Variants in NXPH1 observed in about 807,000 individuals in gnomAD.
NXPH1 encodes the protein neurexophilin-1.
In NXPH1, 5 loss-of-function variants were observed where a neutral mutation model predicts 23.7. The observed-to-expected ratio is 0.21, with a 90% CI of 0.11 to 0.44. The LOEUF is 0.44. NXPH1 is among the 20% of genes least tolerant of loss of function. The pLI is 0.99. For synonymous variants in NXPH1, 144 were observed against 122.2 expected, an observed-to-expected ratio of 1.18 and a Z score of -1.18; for missense variants, 324 against 321.6, an observed-to-expected ratio of 1.01 and a Z score of -0.06.
intron 2 of NXPH1, among the ~76,000 whole-genome samples, chr7:8,580,249 G>C (rs1244229465): frequency 6.6e-6 from 1 of 152,174 alleles, no homozygotes; most frequent in African/African-American, 2.4e-5. Flanking sequence ...GGATAATGCT[G>C]ATTGAATATG....
chr7:8,444,128 T>C (rs1355817041), intron 2 of NXPH1, among the ~76,000 whole-genome samples: 1 of 152,242 alleles, frequency 6.6e-6, no homozygotes, highest in African/African-American at 2.4e-5. Context: ...GGAAGTTCTG[T>C]CCGTTTCTCT....
intron 2 of NXPH1, among the ~76,000 whole-genome samples, chr7:8,524,746 A>C (rs1249788051): frequency 6.6e-6 from 1 of 152,162 alleles, no homozygotes; most frequent in East Asian, 1.9e-4. Context: ...TGGGTTTATC[A>C]GGGGTTTCCA....
At chr7:8,445,877 C>T (rs540482164) in intron 2 of NXPH1, among the ~76,000 whole-genome samples, 15 of 152,268 alleles carry the variant, frequency 9.9e-5, no homozygotes, top group Admixed American at 9.2e-4. Context: ...TTTTCAGCTA[C>T]AGAATGAAAG....
At chr7:8,525,759 G>T (rs1191542158) in intron 2 of NXPH1, among the ~76,000 whole-genome samples, 1 of 152,228 alleles carries the variant, frequency 6.6e-6, no homozygotes, top group Non-Finnish European at 1.5e-5. Context: ...TTGAGCATGT[G>T]GGTGCACAGA....
intron 2 of NXPH1, among the ~76,000 whole-genome samples, chr7:8,592,844 A>G (rs1237597210): frequency 6.7e-6 from 1 of 148,220 alleles, no homozygotes; most frequent in Non-Finnish European, 1.5e-5. Flanking sequence ...TTTTTTTTAA[A>G]TGTTCCAACC....
chr7:8,457,474 C>T (rs560849068), intron 2 of NXPH1, among the ~76,000 whole-genome samples: 21 of 151,780 alleles, frequency 1.4e-4, no homozygotes, highest in Non-Finnish European at 2.5e-4. Context: ...GTTGGAAAAC[C>T]GAGGGTCTAG....
chr7:8,719,464 AT>A (rs1779930713), intron 2 of NXPH1, among the ~76,000 whole-genome samples: 1 of 146,254 alleles, frequency 6.8e-6, no homozygotes, highest in Admixed American at 6.8e-5. Context: ...ATTGGGTGGT[AT>A]TTTTCCTCCA....
At chr7:8,457,564 T>TA (rs1281077133) in intron 2 of NXPH1, among the ~76,000 whole-genome samples, 607 of 150,574 alleles carry the variant, frequency 4.0e-3, no homozygotes, top group African/African-American at 0.013. Flanking sequence ...TTAATTTTAT[T>TA]AAAAAAAAAC....
chr7:8,707,928 T>A (rs897499804), intron 2 of NXPH1, among the ~76,000 whole-genome samples: 3 of 152,220 alleles, frequency 2.0e-5, no homozygotes, highest in African/African-American at 7.2e-5. Flanking sequence ...ACTTAAATAA[T>A]GCAGATAAAA....
At chr7:8,529,632 A>G in intron 2 of NXPH1, among the ~76,000 whole-genome samples, 1 of 152,186 alleles carries the variant, frequency 6.6e-6, no homozygotes, top group East Asian at 1.9e-4. Flanking sequence ...ACTCAATCAA[A>G]TTATTTAATT....
At chr7:8,597,715 G>GA (rs1554259563) in intron 2 of NXPH1, among the ~76,000 whole-genome samples, 1 of 74,826 alleles carries the variant, frequency 1.3e-5, no homozygotes, top group Non-Finnish European at 2.8e-5. Flanking sequence ...GGTGGGGGGC[G>GA]GGGGGGCAGT....
chr7:8,667,863 T>G (rs1470805653), intron 2 of NXPH1, among the ~76,000 whole-genome samples: 1 of 152,026 alleles, frequency 6.6e-6, no homozygotes, highest in Non-Finnish European at 1.5e-5. Context: ...ATGTTTTATT[T>G]ATTCCTTTTC....
chr7:8,642,490 G>A, intron 2 of NXPH1, among the ~76,000 whole-genome samples: 1 of 151,850 alleles, frequency 6.6e-6, no homozygotes, highest in East Asian at 1.9e-4. Context: ...TGAGGATGAG[G>A]GTGCTTAAGC....
chr7:8,487,780 C>T (rs868670004), intron 2 of NXPH1, among the ~76,000 whole-genome samples: 9 of 151,978 alleles, frequency 5.9e-5, no homozygotes, highest in African/African-American at 1.4e-4. Context: ...GGAGTGAGAC[C>T]GTGGGACATG....
chr7:8,723,831 A>T (rs78163299), intron 2 of NXPH1, among the ~76,000 whole-genome samples: 4,927 of 152,234 alleles, frequency 0.032, 280 homozygotes, highest in African/African-American at 0.11. Context: ...GAAGCAGCTT[A>T]TACACAGGTT....
At chr7:8,471,343 A>G (rs1425636260) in intron 2 of NXPH1, among the ~76,000 whole-genome samples, 1 of 152,048 alleles carries the variant, frequency 6.6e-6, no homozygotes, top group African/African-American at 2.4e-5. Context: ...AAGAGTAAAA[A>G]CTCTGGGTCA....
chr7:8,680,191 T>C (rs1315241698), intron 2 of NXPH1, among the ~76,000 whole-genome samples: 1 of 152,266 alleles, frequency 6.6e-6, no homozygotes, highest in Non-Finnish European at 1.5e-5. Flanking sequence ...CAAACATTTA[T>C]TGAGTACATG....
At chr7:8,593,391 C>T (rs144791915) in intron 2 of NXPH1, among the ~76,000 whole-genome samples, 3 of 152,000 alleles carry the variant, frequency 2.0e-5, no homozygotes, top group African/African-American at 7.2e-5. Flanking sequence ...GATTAAAATC[C>T]TGGATGCCAT....
chr7:8,694,412 G>T (rs942357837), intron 2 of NXPH1, among the ~76,000 whole-genome samples: 1 of 152,164 alleles, frequency 6.6e-6, no homozygotes, highest in African/African-American at 2.4e-5. Flanking sequence ...GAACCACAGG[G>T]ATGACATTTT....
Sources: allele counts gnomAD v4.1 joint callset (sites outside exome capture counted in the v4.1 genomes callset), GRCh38; gene constraint gnomAD v4.1.1; transcripts MANE v1.5; gene names NCBI Gene and HGNC (gene_info 2026-07-23, HGNC 2026-07-21).